The following TRPC6 variants were observed in gnomAD, a reference collection of about 807,000 sequenced individuals.
TRPC6 encodes transient receptor potential cation channel subfamily C member 6.
Under a neutral mutation model 90.7 loss-of-function variants are expected in TRPC6, and 55 were observed. That is an observed-to-expected ratio of 0.61 (90% CI 0.49 to 0.76). The LOEUF is 0.76. TRPC6 is among the 30% of genes least tolerant of loss of function. The pLI, the probability that TRPC6 is intolerant of heterozygous loss-of-function variation, is 0.00. For synonymous variants in TRPC6, 393 were observed against 393.0 expected (o/e 1.00, Z 0.00); for missense variants, 989 against 1,122.7 (o/e 0.88, Z 1.70).
intron 1 of TRPC6, among the ~76,000 whole-genome samples, chr11:101,553,689 C>T (rs1861500548): frequency 2.6e-5 from 4 of 152,122 alleles, no homozygotes; most frequent in Admixed American, 2.6e-4. Context: ...GGATCACATT[C>T]ACTAAGAATT....
chr11:101,570,875 T>G (rs763618530), intron 1 of TRPC6, among the ~76,000 whole-genome samples: 2 of 152,152 alleles, frequency 1.3e-5, no homozygotes, highest in Non-Finnish European at 2.9e-5. Flanking sequence ...TATCTCAAAA[T>G]AATAAGAGCT....
chr11:101,522,190 G>A (rs2136780102), intron 1 of TRPC6, among the ~76,000 whole-genome samples: 1 of 152,338 alleles, frequency 6.6e-6, no homozygotes, highest in African/African-American at 2.4e-5. Context: ...AATGCCCAGT[G>A]TTGAAGAAAG....
intron 3 of TRPC6, among the ~76,000 whole-genome samples, chr11:101,489,673 A>C (rs1057345361): frequency 6.6e-6 from 1 of 151,488 alleles, no homozygotes; most frequent in South Asian, 2.1e-4. Flanking sequence ...GTTTTCATGT[A>C]TTTATTTTTA....
At chr11:101,540,958 AAAG>A (rs1476578684) in intron 1 of TRPC6, among the ~76,000 whole-genome samples, 3 of 152,328 alleles carry the variant, frequency 2.0e-5, no homozygotes, top group African/African-American at 7.2e-5. Context: ...TTTTAACTTA[AAAG>A]AGTATTTTGA....
At position 101,483,058 on chromosome 11, in the gene TRPC6, G is replaced by T. The variant is rs1565211528; in HGVS notation, c.1401C>A (p.Gly467=). ...TGGTTTCATTAGGAAGGAGTTTTGTGCCTTCAAATCTGTCAGCTGCATTCA... is the reference window on the plus strand; with the variant it reads ...TGGTTTCATTAGGAAGGAGTTTTGTTCCTTCAAATCTGTCAGCTGCATTCA... The part of the protein sequence containing the change: ...LVMNAADRFE[G]TKLLPNETST... The change falls in exon 5 of 13, where the codon GGC becomes GGA. Residue 467 remains glycine, a synonymous_variant. Transcript: ENST00000344327. 6.2e-7 allele frequency: 1 copy of T among 1,614,048 alleles called. No individual in the cohort carries two copies. The highest frequency in any genetic ancestry group is 2.2e-5 in the East Asian group (1 of 44,876).
intron 1 of TRPC6, among the ~76,000 whole-genome samples, chr11:101,568,578 G>A (rs1445721127): frequency 6.6e-6 from 1 of 152,114 alleles, no homozygotes; most frequent in Non-Finnish European, 1.5e-5. Flanking sequence ...CACCAAGGGT[G>A]AAATGAAGGA....
At chr11:101,552,245 A>G (rs1861466597) in intron 1 of TRPC6, among the ~76,000 whole-genome samples, 1 of 152,116 alleles carries the variant, frequency 6.6e-6, no homozygotes, top group African/African-American at 2.4e-5. Flanking sequence ...TCCACTGGGC[A>G]GCAGGTCACC....
chr11:101,491,045 A>G (rs1245876092), intron 3 of TRPC6, among the ~76,000 whole-genome samples: 1 of 152,246 alleles, frequency 6.6e-6, no homozygotes, highest in Non-Finnish European at 1.5e-5. Flanking sequence ...AAGATTCTAT[A>G]TAAATACGTC....
intron 1 of TRPC6, among the ~76,000 whole-genome samples, chr11:101,562,500 T>C (rs1467166200): frequency 6.6e-6 from 1 of 152,182 alleles, no homozygotes; most frequent in African/African-American, 2.4e-5. Flanking sequence ...TTATATATTA[T>C]ATGAAAATGC....
At chr11:101,518,311 AC>A (rs1359501379) in intron 1 of TRPC6, among the ~76,000 whole-genome samples, 1 of 152,204 alleles carries the variant, frequency 6.6e-6, no homozygotes. Context: ...GGGATTAATA[AC>A]CAGAATATAT....
chr11:101,508,042 A>G (rs542231464), intron 1 of TRPC6, among the ~76,000 whole-genome samples: 18 of 151,976 alleles, frequency 1.2e-4, no homozygotes, highest in Non-Finnish European at 2.2e-4. Context: ...GAAAATTGCT[A>G]TTATATTTTT....
chr11:101,527,240 G>C (rs1860800930), intron 1 of TRPC6, among the ~76,000 whole-genome samples: 1 of 152,076 alleles, frequency 6.6e-6, no homozygotes, highest in Non-Finnish European at 1.5e-5. Flanking sequence ...GTTTGACAAG[G>C]CTCTGTTGAA....
chr11:101,507,771 T>TA (rs1860308547), intron 1 of TRPC6, among the ~76,000 whole-genome samples: 1 of 152,086 alleles, frequency 6.6e-6, no homozygotes, highest in Non-Finnish European at 1.5e-5. Flanking sequence ...CATGGTTGTT[T>TA]ATTGAAGGGA....
chr11:101,465,803 C>T (rs1162968794), intron 10 of TRPC6, among the ~76,000 whole-genome samples: 8 of 152,198 alleles, frequency 5.3e-5, no homozygotes, highest in African/African-American at 1.9e-4. Flanking sequence ...ATTTGTCAAA[C>T]TCATTCTCCG....
chr11:101,509,391 C>T (rs536062337), intron 1 of TRPC6, among the ~76,000 whole-genome samples: 2 of 152,134 alleles, frequency 1.3e-5, no homozygotes, highest in African/African-American at 4.8e-5. Context: ...AGCCACCACA[C>T]CTGCCCTTTG....
intron 1 of TRPC6, among the ~76,000 whole-genome samples, chr11:101,549,249 T>C (rs1051154165): frequency 9.2e-5 from 14 of 151,940 alleles, no homozygotes; most frequent in Non-Finnish European, 5.9e-5. Flanking sequence ...ATCTAACTTA[T>C]TCACTAGGTT....
intron 1 of TRPC6, among the ~76,000 whole-genome samples, chr11:101,556,615 C>A (rs900880280): frequency 4.6e-5 from 7 of 152,166 alleles, no homozygotes; most frequent in Non-Finnish European, 7.4e-5. Context: ...CAGCTGAATT[C>A]TACCAGACAT....
intron 1 of TRPC6, among the ~76,000 whole-genome samples, chr11:101,580,346 T>C (rs1163797137): frequency 6.6e-6 from 1 of 152,202 alleles, no homozygotes; most frequent in African/African-American, 2.4e-5. Flanking sequence ...CCTTTCTTGC[T>C]AATCACCATT....
intron 1 of TRPC6, among the ~76,000 whole-genome samples, chr11:101,512,075 TGAGA>T (rs199826247): frequency 0.014 from 2,121 of 152,116 alleles, 29 homozygotes; most frequent in Non-Finnish European, 0.022. Context: ...GTTTAGAGGG[TGAGA>T]GAGTGAGCAC....
Sources: allele counts gnomAD v4.1 joint callset (sites outside exome capture counted in the v4.1 genomes callset), GRCh38; gene constraint gnomAD v4.1.1; transcripts MANE v1.5; gene names NCBI Gene and HGNC (gene_info 2026-07-23, HGNC 2026-07-21).